The following NHSL2 variants were observed in gnomAD, a reference collection of about 807,000 sequenced individuals.
The protein encoded by NHSL2 is NHS-like protein 2.
In NHSL2, 27 loss-of-function variants were observed where a neutral mutation model predicts 53.4. The observed-to-expected ratio is 0.51, with a 90% CI of 0.37 to 0.70. The LOEUF (loss-of-function observed/expected upper bound fraction) is 0.70. Among genes scored for constraint, NHSL2 ranks in the 30% least tolerant of loss-of-function variants. NHSL2 has a pLI of 0.00. For synonymous variants in NHSL2, 408 were observed against 404.1 expected, an observed-to-expected ratio of 1.01 and a Z score of -0.12; for missense variants, 892 against 980.1, an observed-to-expected ratio of 0.91 and a Z score of 1.20.
chrX:71,946,947 AG>A (rs2041795403), intron 1 of NHSL2, among the ~76,000 whole-genome samples: 1 of 112,186 alleles, frequency 8.9e-6, no homozygotes, highest in African/African-American at 3.2e-5. Flanking sequence ...CATGTGATAA[AG>A]GGCCCAGCAC....
intron 1 of NHSL2, among the ~76,000 whole-genome samples, chrX:72,098,198 A>G (rs1036520836): frequency 8.9e-6 from 1 of 112,247 alleles, no homozygotes; most frequent in Non-Finnish European, 1.9e-5. Context: ...CAGAAGTGGA[A>G]TGGCTCCTCA....
Position 72,134,182 on chromosome X carries a change from GC to G in NHSL2, c.532del (p.Gln178SerfsTer10), listed in dbSNP as rs1354526035. ...CCACTAAGCCCACCCCCAACCCAAG[GC>G]CCCAGTCTGCCAGGCGTCTGGAGTT... The part of the protein sequence containing the change: ...EATKPTPNPR[P>X]QSARRLEFIL... On this transcript the variant is annotated frameshift_variant, in exon 3 of 8. Transcript: ENST00000633930. LOFTEE classifies it high-confidence loss of function. 8.6e-7 allele frequency: 1 copy of G among 1,167,393 alleles called. No homozygotes were observed. Among genetic ancestry groups the G allele is most frequent in the Non-Finnish European group, 1.1e-6 (1 of 872,425 alleles).
At chrX:72,131,278 CA>C in intron 1 of NHSL2, 1 of 1,200,572 alleles carries the variant, frequency 8.3e-7, no homozygotes, top group Non-Finnish European at 1.1e-6. Flanking sequence ...GGGAGGCCGG[CA>C]CAAGAAGGGC....
chrX:72,061,134 A>T (rs1287140649), intron 1 of NHSL2, among the ~76,000 whole-genome samples: 1 of 112,614 alleles, frequency 8.9e-6, no homozygotes, highest in Non-Finnish European at 1.9e-5. Context: ...GAAGGAATGG[A>T]CTGTTCGAAT....
At chrX:71,995,179 C>T (rs2042044474) in intron 1 of NHSL2, among the ~76,000 whole-genome samples, 1 of 112,010 alleles carries the variant, frequency 8.9e-6, no homozygotes, top group Admixed American at 9.4e-5. Flanking sequence ...CAGAATCAAA[C>T]CACTTGTTAC....
rs56082929 is a variant in NHSL2 at position 72,110,724 on chromosome X, TAAAAAAAAAAAA to T, written c.281-21338_281-21327del. Among the ~76,000 whole-genome samples the T allele has an allele frequency of 1.5e-4, 7 of 46,763 alleles. No homozygotes were observed. The East Asian group carries it at 2.8e-3, about 19-fold the overall frequency. The allele number at this position is 46,763 out of a possible 115,157, so 40.6% of individuals were successfully genotyped here. On this transcript the variant is annotated intron_variant, in intron 1 of 7. Transcript: ENST00000633930. ...TCCTTGTTTCTTCCATCCTCCCACCTAAAAAAAAAAAAAAAAAAAAAAAAAAAACCCAAAGAG... is the reference window on the plus strand; with the variant it reads ...TCCTTGTTTCTTCCATCCTCCCACCTAAAAAAAAAAAAAAAACCCAAAGAG...
At chrX:72,048,433 G>C (rs930663824) in intron 1 of NHSL2, among the ~76,000 whole-genome samples, 1 of 110,584 alleles carries the variant, frequency 9.0e-6, no homozygotes, top group African/African-American at 3.3e-5. Flanking sequence ...TATTGTTTGG[G>C]GAAAAGTGAC....
Position 72,143,544 on chromosome X carries a change from C to T in NHSL2, c.3648C>T (p.Asp1216=), listed in dbSNP as rs753508174. 14 of 1,161,066 alleles carry T rather than the reference C, an allele frequency of 1.2e-5. No individual in the cohort carries two copies. In the African/African-American group the frequency reaches 2.3e-4, roughly 19 times the overall value. The change falls in exon 8 of 8, where the codon GAC becomes GAT. Residue 1216 remains aspartate (D), a synonymous_variant. Transcript: ENST00000633930. The stretch of plus-strand genomic sequence containing the variant: ...GAATTATTGCACAATTTTCAAAAGA[C>T]TATGAAACCACCGATAACCCCAGTA... ...ARRIIAQFSK[D]YETTDNPST
At chrX:71,920,154 A>G (rs771739711) in intron 1 of NHSL2, among the ~76,000 whole-genome samples, 4 of 112,390 alleles carry the variant, frequency 3.6e-5, no homozygotes, top group Non-Finnish European at 7.5e-5. Flanking sequence ...CCTCAAGGAC[A>G]TAGGCACACC....
At position 72,130,925 on chromosome X, in the gene NHSL2, C is replaced by T. The variant is rs751666547; in HGVS notation, c.281-1154C>T. On this transcript the variant is annotated intron_variant, in intron 1 of 7. Coordinates refer to ENST00000633930, the MANE Select transcript of NHSL2 (RefSeq NM_001013627.3). ...TGCAAGGGGCTTCCTTCCTGGGTGA[C>T]CGAGATGGCCCAGTCCTTGGCTTCG... The T allele has an allele frequency of 5.0e-5, 60 of 1,210,129 alleles. No individual in the cohort carries two copies. The Admixed American group carries it at 1.3e-3, about 26-fold the overall frequency.
chrX:71,947,730 C>T (rs769391396), intron 1 of NHSL2, among the ~76,000 whole-genome samples: 2 of 112,208 alleles, frequency 1.8e-5, no homozygotes, highest in South Asian at 7.4e-4. Context: ...ACACTGTCTT[C>T]GACACTGCAT....
chrX:72,107,994 AAG>A (rs2042060303), intron 1 of NHSL2, among the ~76,000 whole-genome samples: 1 of 111,904 alleles, frequency 8.9e-6, no homozygotes, highest in African/African-American at 3.3e-5. Flanking sequence ...GCTGGATCGT[AAG>A]AGAGCAAGAT....
intron 1 of NHSL2, among the ~76,000 whole-genome samples, chrX:72,041,427 T>C (rs2042273631): frequency 8.9e-6 from 1 of 112,552 alleles, no homozygotes; most frequent in Non-Finnish European, 1.9e-5. Context: ...ACTGGCCCAG[T>C]GTTGCTACAT....
chrX:71,974,948 T>A (rs2041941868), intron 1 of NHSL2, among the ~76,000 whole-genome samples: 1 of 112,021 alleles, frequency 8.9e-6, no homozygotes, highest in Non-Finnish European at 1.9e-5. Flanking sequence ...AATGGAATAG[T>A]CAATTTTAAA....
intron 1 of NHSL2, among the ~76,000 whole-genome samples, chrX:72,117,296 G>A (rs1227361513): frequency 2.0e-5 from 2 of 101,237 alleles, no homozygotes; most frequent in Non-Finnish European, 4.0e-5. Context: ...ATAGGATCTA[G>A]TATGATGCAC....
intron 1 of NHSL2, chrX:72,045,041 A>G (rs2042297963): frequency 2.1e-6 from 1 of 468,459 alleles, no homozygotes; most frequent in East Asian, 3.7e-5. Flanking sequence ...AGAAGCCCCC[A>G]CGTGGAGCTA....
intron 1 of NHSL2, among the ~76,000 whole-genome samples, chrX:72,043,026 G>A (rs1216600308): frequency 1.8e-5 from 2 of 111,236 alleles, no homozygotes; most frequent in Non-Finnish European, 3.8e-5. Flanking sequence ...TATGTAGGGT[G>A]GCGAGGCAAA....
intron 1 of NHSL2, among the ~76,000 whole-genome samples, chrX:72,098,580 CA>C (rs59018262): frequency 0.2 from 10,112 of 51,198 alleles, 691 homozygotes; most frequent in African/African-American, 0.37. Flanking sequence ...GACTCCGTCT[CA>C]AAAAAAAAAA....
rs1437864177 is a variant in NHSL2 at position 71,948,778 on chromosome X, C to T, written c.280+37411C>T. Reference sequence around the variant, plus strand: ...CTGGGAGGTGGAGGTTGCAGTGAGCCGAGATCATGCCACTGCACTCCAGCC... The same window carrying T: ...CTGGGAGGTGGAGGTTGCAGTGAGCTGAGATCATGCCACTGCACTCCAGCC... On this transcript the variant is annotated intron_variant, in intron 1 of 7. Transcript: ENST00000633930. Among the ~76,000 whole-genome samples, 3 of 106,633 alleles carry T rather than the reference C, an allele frequency of 2.8e-5. No homozygotes were observed. In the East Asian group the frequency reaches 8.8e-4, roughly 31 times the overall value. The allele number at this position is 106,633 out of a possible 115,157, so 92.6% of individuals were successfully genotyped here.
Sources: gnomAD v4.1 joint callset for allele counts (sites outside exome capture counted in the v4.1 genomes callset) on GRCh38, gnomAD v4.1.1 for gene constraint, MANE v1.5 for transcripts, NCBI Gene and HGNC (gene_info 2026-07-23, HGNC 2026-07-21) for gene names.